Variants in PKIB observed in about 807,000 individuals in gnomAD.
The protein encoded by PKIB is cAMP-dependent protein kinase inhibitor beta.
Under a neutral mutation model 4.5 loss-of-function variants are expected in PKIB, and 2 were observed. The observed-to-expected ratio is 0.44, with a 90% CI of 0.18 to 1.39. The LOEUF (loss-of-function observed/expected upper bound fraction) is 1.39. Among genes scored for constraint, PKIB ranks in the 40% most tolerant of loss-of-function variants. The pLI, the probability that PKIB is intolerant of heterozygous loss-of-function variation, is 0.27. For synonymous variants in PKIB, 38 were observed against 36.0 expected (o/e 1.06, Z -0.20); for missense variants, 94 against 92.6 (o/e 1.02, Z -0.06).
intron 4 of PKIB, 92 bp from the exon 5 acceptor site, chr6:122,725,036 G>A (rs1314332375): frequency 1.6e-5 from 15 of 967,158 alleles, no homozygotes; most frequent in Non-Finnish European, 2.2e-5. Context: ...AAATATGGAC[G>A]GTGGACAAAG....
intron 2 of PKIB, among the ~76,000 whole-genome samples, chr6:122,531,737 C>T (rs1341978267): frequency 6.6e-6 from 1 of 152,152 alleles, no homozygotes; most frequent in African/African-American, 2.4e-5. Context: ...AGGGATAGCA[C>T]ATTGTTCTCT....
intron 3 of PKIB, among the ~76,000 whole-genome samples, chr6:122,716,616 A>T (rs1476325378): frequency 1.2e-5 from 1 of 82,994 alleles, no homozygotes; most frequent in Non-Finnish European, 2.4e-5. Context: ...CATTTCTTGC[A>T]TTCTATGAAC....
intron 3 of PKIB, among the ~76,000 whole-genome samples, chr6:122,695,669 G>A (rs1778542105): frequency 6.6e-6 from 1 of 151,952 alleles, no homozygotes; most frequent in Non-Finnish European, 1.5e-5. Flanking sequence ...AGTTATTTTA[G>A]TCTAATCTCT....
intron 2 of PKIB, among the ~76,000 whole-genome samples, chr6:122,574,035 C>T (rs1320310016): frequency 1.3e-5 from 2 of 152,160 alleles, no homozygotes; most frequent in African/African-American, 4.8e-5. Flanking sequence ...AAAGACCCAT[C>T]CAAAAAGCTC....
intron 2 of PKIB, among the ~76,000 whole-genome samples, chr6:122,562,004 G>GTTTTTTTTTTTTT (rs758656278): frequency 2.0e-4 from 16 of 79,490 alleles, no homozygotes; most frequent in East Asian, 4.8e-4. Context: ...GTTTTTTTTT[G>GTTTTTTTTTTTTT]TTTTTTTTTT....
intron 4 of PKIB, among the ~76,000 whole-genome samples, chr6:122,718,715 C>T (rs972606673): frequency 1.3e-5 from 2 of 152,134 alleles, no homozygotes; most frequent in Non-Finnish European, 2.9e-5. Flanking sequence ...CAAGTGAGAA[C>T]CAGAAGCCGC....
chr6:122,659,477 A>G (rs1053967417), intron 2 of PKIB, among the ~76,000 whole-genome samples: 1 of 152,146 alleles, frequency 6.6e-6, no homozygotes, highest in Non-Finnish European at 1.5e-5. Flanking sequence ...TTCTTATATG[A>G]TCTAGTTATA....
At chr6:122,663,665 C>T (rs368288683) in intron 2 of PKIB, among the ~76,000 whole-genome samples, 20 of 152,276 alleles carry the variant, frequency 1.3e-4, no homozygotes, top group East Asian at 9.7e-4. Flanking sequence ...CTCTGTGTGT[C>T]TGTCTTTACG....
intron 3 of PKIB, among the ~76,000 whole-genome samples, chr6:122,680,886 C>T (rs1777872934): frequency 6.6e-6 from 1 of 152,182 alleles, no homozygotes; most frequent in African/African-American, 2.4e-5. Flanking sequence ...CCTTCAATGA[C>T]CTCCTGTTAC....
intron 3 of PKIB, among the ~76,000 whole-genome samples, chr6:122,604,706 A>G (rs1184386168): frequency 6.6e-6 from 1 of 152,214 alleles, no homozygotes; most frequent in Non-Finnish European, 1.5e-5. Context: ...CCCTTCAGTC[A>G]TAAGAAAACT....
At chr6:122,710,182 T>C (rs1485015841) in intron 3 of PKIB, among the ~76,000 whole-genome samples, 1 of 152,192 alleles carries the variant, frequency 6.6e-6, no homozygotes. Context: ...GCCATTTCTA[T>C]TGTGACCACA....
intron 2 of PKIB, among the ~76,000 whole-genome samples, chr6:122,634,919 G>A (rs1039314795): frequency 2.0e-5 from 3 of 151,518 alleles, no homozygotes; most frequent in African/African-American, 4.9e-5. Context: ...TCCAGCCTGG[G>A]TGACAGAGCG....
chr6:122,564,577 T>G (rs1457812347), intron 2 of PKIB, among the ~76,000 whole-genome samples: 2 of 152,244 alleles, frequency 1.3e-5, no homozygotes, highest in East Asian at 1.9e-4. Flanking sequence ...TTAATAAAAT[T>G]TTCACACAAA....
intron 2 of PKIB, among the ~76,000 whole-genome samples, chr6:122,634,850 G>T (rs930151728): frequency 6.6e-6 from 1 of 152,016 alleles, no homozygotes; most frequent in Non-Finnish European, 1.5e-5. Flanking sequence ...GCTGAGGAAG[G>T]AGAATGGTGT....
At chr6:122,570,218 C>T (rs972793109) in intron 2 of PKIB, among the ~76,000 whole-genome samples, 1 of 152,182 alleles carries the variant, frequency 6.6e-6, no homozygotes, top group African/African-American at 2.4e-5. Flanking sequence ...AGAAATGAAG[C>T]TGGGAAGTAG....
chr6:122,632,202 G>A (rs916018660), intron 1 of PKIB, among the ~76,000 whole-genome samples: 7 of 152,160 alleles, frequency 4.6e-5, no homozygotes, highest in African/African-American at 7.2e-5. Flanking sequence ...TGGTTTATTA[G>A]AAAGGAATAG....
At chr6:122,521,177 G>A (rs1776934143) in intron 2 of PKIB, among the ~76,000 whole-genome samples, 1 of 152,130 alleles carries the variant, frequency 6.6e-6, no homozygotes, top group African/African-American at 2.4e-5. Flanking sequence ...GCTGGGATTC[G>A]GAAAACTTAG....
chr6:122,496,982 G>T (rs550425057), intron 2 of PKIB, among the ~76,000 whole-genome samples: 5 of 152,276 alleles, frequency 3.3e-5, no homozygotes, highest in African/African-American at 9.6e-5. Context: ...AGAGAAAAAG[G>T]TTAGATTACA....
chr6:122,602,521 G>A (rs1254783697), intron 3 of PKIB, among the ~76,000 whole-genome samples: 2 of 152,138 alleles, frequency 1.3e-5, no homozygotes, highest in African/African-American at 4.8e-5. Context: ...GGATTAATGA[G>A]CTAATGTTAA....
Sources: allele counts gnomAD v4.1 joint callset (sites outside exome capture counted in the v4.1 genomes callset), GRCh38; gene constraint gnomAD v4.1.1; transcripts MANE v1.5; gene names NCBI Gene and HGNC (gene_info 2026-07-23, HGNC 2026-07-21).